The following THSD7A variants were observed in gnomAD, a reference collection of about 807,000 sequenced individuals.
THSD7A encodes thrombospondin type 1 domain containing 7A, also known as thrombospondin type-1 domain-containing protein 7A.
A neutral mutation model predicts 231.3 loss-of-function variants in THSD7A; 96 were observed. The ratio of observed to expected loss-of-function variants is 0.41; its 90% CI spans 0.35 to 0.49. THSD7A has a LOEUF of 0.49. Among genes scored for constraint, THSD7A ranks in the 20% least tolerant of loss-of-function variants. The pLI is 0.05. For synonymous variants in THSD7A, 940 were observed against 743.3 expected, an observed-to-expected ratio of 1.26 and a Z score of -4.30; for missense variants, 2,290 against 2,070.2, an observed-to-expected ratio of 1.11 and a Z score of -2.06.
intron 1 of THSD7A, among the ~76,000 whole-genome samples, chr7:11,791,877 C>G (rs979329165): frequency 1.3e-5 from 2 of 151,850 alleles, no homozygotes; most frequent in African/African-American, 4.8e-5. Context: ...TCTTGCCTAC[C>G]ATTTGCTTTA....
At chr7:11,502,979 A>G (rs969057945) in intron 6 of THSD7A, among the ~76,000 whole-genome samples, 4 of 152,186 alleles carry the variant, frequency 2.6e-5, no homozygotes, top group African/African-American at 9.6e-5. Context: ...ATTTATATGA[A>G]ACCAAAAGAG....
rs2115266627 is a variant in THSD7A, at chr7:11,371,023, T to G, written c.*4771A>C. On this transcript the variant is annotated 3_prime_UTR_variant, in exon 28 of 28. Coordinates refer to ENST00000423059, the MANE Select transcript of THSD7A (RefSeq NM_015204.3). ...AACACAACAAGACTGACAATTATAT[T>G]CTAAATAATATAGAGATTTTTGATC... The G allele has an allele frequency of 6.6e-6, 1 of 152,268 alleles. No homozygotes were observed. The highest frequency in any genetic ancestry group is 2.1e-4 in the South Asian group (1 of 4,824). The allele number at this position is 152,268 out of a possible 1,614,324, so 9.4% of individuals were successfully genotyped here.
At chr7:11,385,419 T>C (rs1268413138) in intron 23 of THSD7A, 1 of 152,112 alleles carries the variant, frequency 6.6e-6, no homozygotes, top group African/African-American at 2.4e-5. Flanking sequence ...GTGTAAATTT[T>C]GATAGACCTT....
chr7:11,425,503 C>T (rs754814951), intron 15 of THSD7A, among the ~76,000 whole-genome samples: 1 of 152,068 alleles, frequency 6.6e-6, no homozygotes, highest in Non-Finnish European at 1.5e-5. Context: ...ATTGTCTCTG[C>T]TCCAGGGTCC....
chr7:11,554,012 A>T (rs2128327127), intron 4 of THSD7A, among the ~76,000 whole-genome samples: 1 of 152,112 alleles, frequency 6.6e-6, no homozygotes, highest in East Asian at 1.9e-4. Context: ...ATTGATATGA[A>T]ATTGTAATTT....
intron 4 of THSD7A, among the ~76,000 whole-genome samples, chr7:11,551,830 A>T (rs1789640446): frequency 6.6e-6 from 1 of 152,132 alleles, no homozygotes; most frequent in Admixed American, 6.6e-5. Context: ...TGACCCAGCC[A>T]TCCTACTACT....
chr7:11,769,121 CAA>C (rs1491367769), intron 1 of THSD7A, among the ~76,000 whole-genome samples: 2,213 of 55,668 alleles, frequency 0.04, 222 homozygotes, highest in East Asian at 0.072. Flanking sequence ...TAATTCCTGG[CAA>C]TATATATATA....
intron 4 of THSD7A, among the ~76,000 whole-genome samples, chr7:11,557,656 G>T (rs1222967850): frequency 6.6e-6 from 1 of 152,090 alleles, no homozygotes; most frequent in Non-Finnish European, 1.5e-5. Context: ...CATTGTTACT[G>T]CAAGGTGAAG....
chr7:11,446,032 CA>C lies in THSD7A; in HGVS notation c.3064+28del. On this transcript the variant is annotated intron_variant, in intron 13 of 27. Coordinates refer to ENST00000423059, the MANE Select transcript of THSD7A (RefSeq NM_015204.3). The surrounding 1 kb of genome is among the most constrained non-coding windows in gnomAD (Gnocchi z 4.0). ...TTTCCCTCCACACTCCCGAAGATAGCAAATATGTAACAATGAAGATTGAATT... is the reference window on the plus strand; with the variant it reads ...TTTCCCTCCACACTCCCGAAGATAGCAATATGTAACAATGAAGATTGAATT... 1.2e-6 allele frequency: 2 copies of C among 1,611,846 alleles called. No individual in the cohort carries two copies. Among genetic ancestry groups the C allele is most frequent in the Non-Finnish European group, 1.7e-6 (2 of 1,178,442 alleles).
intron 1 of THSD7A, among the ~76,000 whole-genome samples, chr7:11,643,664 T>C (rs1782175259): frequency 6.6e-6 from 1 of 151,792 alleles, no homozygotes; most frequent in Non-Finnish European, 1.5e-5. Flanking sequence ...CCTTTGTTCT[T>C]CATATTTTCA....
chr7:11,750,020 T>A (rs1291546189), intron 1 of THSD7A, among the ~76,000 whole-genome samples: 1 of 145,626 alleles, frequency 6.9e-6, no homozygotes, highest in East Asian at 2.0e-4. Flanking sequence ...TGGCCAGAAT[T>A]TTTTTTTTTT....
chr7:11,702,925 T>A (rs552742490), intron 1 of THSD7A, among the ~76,000 whole-genome samples: 12 of 151,370 alleles, frequency 7.9e-5, no homozygotes, highest in African/African-American at 2.9e-4. Flanking sequence ...CTAGACTAGC[T>A]TGGTATAATT....
chr7:11,820,457 G>A (rs967708936), intron 1 of THSD7A: 34 of 1,271,290 alleles, frequency 2.7e-5, no homozygotes, highest in Admixed American at 1.2e-4. Context: ...AACATGAACC[G>A]GCCCTGACCC....
At chr7:11,706,628 T>G (rs1342745327) in intron 1 of THSD7A, among the ~76,000 whole-genome samples, 2 of 125,754 alleles carry the variant, frequency 1.6e-5, no homozygotes, top group Admixed American at 1.7e-4. Flanking sequence ...TTTAACAAGG[T>G]GCTTTTTTTT....
chr7:11,427,746 G>C (rs969300077), intron 14 of THSD7A, among the ~76,000 whole-genome samples: 1 of 152,146 alleles, frequency 6.6e-6, no homozygotes, highest in African/African-American at 2.4e-5. Flanking sequence ...TTTTAGTTCA[G>C]TTTTTCTGTT....
intron 1 of THSD7A, among the ~76,000 whole-genome samples, chr7:11,672,681 A>C (rs567901801): frequency 2.1e-4 from 32 of 152,262 alleles, no homozygotes; most frequent in Middle Eastern, 3.4e-3. Flanking sequence ...TTTTGGGAGC[A>C]TTTGAATCAT....
At chr7:11,438,145 G>A (rs924036184) in intron 13 of THSD7A, among the ~76,000 whole-genome samples, 10 of 151,906 alleles carry the variant, frequency 6.6e-5, no homozygotes, top group Admixed American at 5.9e-4. Context: ...CTTCTTTGCA[G>A]TAGCTAGTAA....
rs941370855 is a variant in THSD7A, at chr7:11,375,761, C to T, written c.*33G>A. On this transcript the variant is annotated 3_prime_UTR_variant, in exon 28 of 28. Coordinates refer to ENST00000423059, the MANE Select transcript of THSD7A (RefSeq NM_015204.3). The stretch of plus-strand genomic sequence containing the variant: ...TCTGGACATCTATGAAGTCAGAAAG[C>T]CGAAACTGGTTGTTGCCAGGAAAAG... The T allele has an allele frequency of 1.1e-5, 18 of 1,593,496 alleles. No homozygotes were observed. In the African/African-American group the frequency reaches 1.8e-4, roughly 16 times the overall value.
intron 6 of THSD7A, among the ~76,000 whole-genome samples, chr7:11,510,930 C>A (rs1032753791): frequency 1.3e-5 from 2 of 152,036 alleles, no homozygotes; most frequent in African/African-American, 2.4e-5. Flanking sequence ...GAAGTTCTGG[C>A]CAGGGCAATC....
Sources: allele counts gnomAD v4.1 joint callset (sites outside exome capture counted in the v4.1 genomes callset), GRCh38; gene constraint gnomAD v4.1.1; non-coding constraint Gnocchi (gnomAD v3.1); transcripts MANE v1.5; gene names NCBI Gene and HGNC (gene_info 2026-07-23, HGNC 2026-07-21).